Variants in CACNA1S observed in about 807,000 individuals in gnomAD.
CACNA1S encodes calcium voltage-gated channel subunit alpha1 S.
A neutral mutation model predicts 207.4 loss-of-function variants in CACNA1S; 126 were observed. That is an observed-to-expected ratio of 0.61 (90% confidence interval 0.53 to 0.70). The LOEUF (loss-of-function observed/expected upper bound fraction) is 0.70. Among genes scored for constraint, CACNA1S ranks in the 30% least tolerant of loss-of-function variants. The pLI is 0.00. For synonymous variants in CACNA1S, 960 were observed against 932.7 expected, an observed-to-expected ratio of 1.03 and a Z score of -0.53; for missense variants, 2,349 against 2,422.8, an observed-to-expected ratio of 0.97 and a Z score of 0.64.
chr1:201,047,199 G>A lies in CACNA1S; in HGVS notation c.4584C>T (p.Leu1528=), dbSNP rs1660500097. ...TGAACTTCCGGAAGTGCTCCTGGAT[G>A]AGGAATGTGGCGTAGAACTTCCCCA... ...VTVGKFYATF[L]IQEHFRKFMK... Residue 1528 remains leucine (L), a synonymous_variant, in exon 38 of 44, where the codon CTC becomes CTT. Transcript: ENST00000362061. 6.2e-7 allele frequency: 1 copy of A among 1,614,180 alleles called. No individual in the cohort carries two copies. Among genetic ancestry groups the A allele is most frequent in the Non-Finnish European group, 8.5e-7 (1 of 1,180,008 alleles).
chr1:201,101,132 A>T lies in CACNA1S; in HGVS notation c.259-7111T>A, dbSNP rs1346201470. Among the ~76,000 whole-genome samples, 7 of 152,316 alleles carry T rather than the reference A, an allele frequency of 4.6e-5. No homozygotes were observed. The East Asian group carries it at 1.3e-3, about 29-fold the overall frequency. On this transcript the variant is annotated intron_variant, in intron 2 of 43. Coordinates refer to ENST00000362061, the MANE Select transcript of CACNA1S (RefSeq NM_000069.3). ...AGTGTAAGATGGAAATTTCTCCACA[A>T]AGCCAGATAAGTTTTCCTCTCTAGT...
chr1:201,056,080 C>CACACACACACACACAT (rs1553249514), intron 28 of CACNA1S, among the ~76,000 whole-genome samples: 45 of 141,754 alleles, frequency 3.2e-4, no homozygotes, highest in Admixed American at 1.1e-3. Flanking sequence ...GACACACACA[C>CACACACACACACACAT]ACACACACAC....
At chr1:201,076,839 G>T in intron 12 of CACNA1S, 81 bp downstream of exon 12, 1 of 1,306,858 alleles carries the variant, frequency 7.7e-7, no homozygotes, top group Non-Finnish European at 1.1e-6. Context: ...TGGAGAAGGT[G>T]ATGCCCACCT....
chr1:201,111,511 A>G (rs1014426719), intron 1 of CACNA1S, among the ~76,000 whole-genome samples: 1 of 152,078 alleles, frequency 6.6e-6, no homozygotes, highest in Non-Finnish European at 1.5e-5. Flanking sequence ...CGTCTGAGCT[A>G]GAACAACCAG....
chr1:201,069,425 T>C, intron 18 of CACNA1S, 47 bp downstream of exon 18: 1 of 1,603,510 alleles, frequency 6.2e-7, no homozygotes, highest in Non-Finnish European at 8.5e-7. Flanking sequence ...AGACTGAGGC[T>C]GGAGGGGGCA....
chr1:201,044,193 A>G, intron 39 of CACNA1S, 135 bp downstream of exon 39: 1 of 1,025,156 alleles, frequency 9.8e-7, no homozygotes, highest in Non-Finnish European at 1.5e-6. Flanking sequence ...TGGGTGGTGA[A>G]GTGGAGAGAC....
chr1:201,067,811 G>A (rs1234295929), intron 19 of CACNA1S, among the ~76,000 whole-genome samples: 3 of 152,182 alleles, frequency 2.0e-5, no homozygotes, highest in Non-Finnish European at 4.4e-5. Flanking sequence ...TGACCTCGAG[G>A]AAGCCACCAT....
In CACNA1S at chr1:201,040,222, C is replaced by T; in HGVS notation, c.5370+9G>A. ...TGCAGCCACTGCTGTGACCCAGCCC[C>T]TGGCTCACCTTTTGGATCAGCAGGG... On this transcript the variant is annotated intron_variant, in intron 43 of 43. Transcript: ENST00000362061. The T allele has an allele frequency of 6.2e-7, 1 of 1,613,248 alleles. No individual in the cohort carries two copies. The highest frequency in any genetic ancestry group is 8.5e-7 in the Non-Finnish European group (1 of 1,180,040).
Position 201,053,649 on chromosome 1 carries a change from G to A in CACNA1S, c.3667-62C>T. The A allele has an allele frequency of 6.7e-7, 1 of 1,502,286 alleles. No individual in the cohort carries two copies. Among genetic ancestry groups the A allele is most frequent in the Non-Finnish European group, 9.3e-7 (1 of 1,080,736 alleles). 93.1% of individuals were successfully genotyped at this position (1,502,286 alleles called of 1,614,324 possible). A position where few individuals can be genotyped will look rare whatever the true frequency, so the allele number is the denominator to read the frequency against. ...AGAACCTCAGAGGGGTAAGGGGCAG[G>A]GCGGGGAGGGAGGTGCACTGTGTGT... is the stretch of plus-strand genomic sequence containing the variant. On this transcript the variant is annotated intron_variant, in intron 29 of 43. Transcript: ENST00000362061. This position sits in a 1 kb window ranked among gnomAD's most constrained non-coding sequence, Gnocchi z 5.1.
chr1:201,092,063 G>A lies in CACNA1S; in HGVS notation c.450C>T (p.Ala150=). ...AGCCGGCTCCTTTGCTGCTCATTGG[G>A]GCTGTGTGGCTTTGGATGACGTTAA... The part of the protein sequence containing the change: ...EQVNVIQSHT[A]PMSSKGAGLD... Residue 150 remains alanine (A), a synonymous_variant, in exon 4 of 44, where the codon GCC becomes GCT. Coordinates refer to ENST00000362061, the MANE Select transcript of CACNA1S (RefSeq NM_000069.3). The A allele has an allele frequency of 6.2e-7, 1 of 1,614,102 alleles. No homozygotes were observed.
chr1:201,060,615 G>T, intron 26 of CACNA1S, 43 bp downstream of exon 26: 1 of 1,592,332 alleles, frequency 6.3e-7, no homozygotes, highest in Non-Finnish European at 8.6e-7. Flanking sequence ...CCAAGGCCCA[G>T]GTCCCAGTCT....
At chr1:201,109,380 C>T (rs1056619447) in intron 2 of CACNA1S, among the ~76,000 whole-genome samples, 1 of 152,088 alleles carries the variant, frequency 6.6e-6, no homozygotes, top group Non-Finnish European at 1.5e-5. Context: ...TTAAATGGGT[C>T]TAATAATGTT....
At chr1:201,109,342 C>T (rs1663017994) in intron 2 of CACNA1S, among the ~76,000 whole-genome samples, 1 of 152,012 alleles carries the variant, frequency 6.6e-6, no homozygotes, top group Non-Finnish European at 1.5e-5. Flanking sequence ...TGTGCCTAAA[C>T]TCTCTGAATA....
rs140662085 is a variant in CACNA1S, at chr1:201,077,951, G to T, written c.1547C>A (p.Ser516Ter). The change falls in exon 11 of 44, where the codon TCG (serine) becomes TAG (stop). Residue 516 changes from serine (S) to a stop codon, truncating the protein, a stop_gained. Coordinates refer to ENST00000362061, the MANE Select transcript of CACNA1S (RefSeq NM_000069.3). LOFTEE classifies it high-confidence loss of function. ...SGILEILLVESGAMTPLGISV... is the reference protein window; with the variant it reads ...SGILEILLVE ...GATGCCCAGGGGTGTCATGGCACCC[G>T]ACTCCACCAGCAGGATCTCCAGGAT... 6.2e-7 allele frequency: 1 copy of T among 1,614,136 alleles called. No individual in the cohort carries two copies. The highest frequency in any genetic ancestry group is 8.5e-7 in the Non-Finnish European group (1 of 1,179,978).
intron 13 of CACNA1S, 141 bp downstream of exon 13, chr1:201,075,354 C>A (rs1572047835): frequency 1.1e-6 from 1 of 890,870 alleles, no homozygotes; most frequent in East Asian, 2.4e-5. Context: ...ATGTCCTACC[C>A]CCTACCGCAT....
At chr1:201,105,582 A>G (rs1416501141) in intron 2 of CACNA1S, among the ~76,000 whole-genome samples, 2 of 152,138 alleles carry the variant, frequency 1.3e-5, no homozygotes, top group Admixed American at 6.5e-5. Context: ...GACATCCCAC[A>G]GTTGGCCAGG....
chr1:201,063,145 T>C (rs74598913), intron 22 of CACNA1S, among the ~76,000 whole-genome samples: 1,578 of 149,508 alleles, frequency 0.011, 26 homozygotes, highest in African/African-American at 0.029. Flanking sequence ...TTTTTTTTTT[T>C]CAAGGCTTTG....
At chr1:201,065,801 G>T in intron 22 of CACNA1S, 37 bp downstream of exon 22, 2 of 1,445,110 alleles carry the variant, frequency 1.4e-6, no homozygotes, top group Non-Finnish European at 9.7e-7. Context: ...AGGGCTGGGA[G>T]CGGGAGGGGG....
chr1:201,050,994 C>G lies in CACNA1S; in HGVS notation c.4103G>C (p.Cys1368Ser), dbSNP rs780152205. ...CCCTCAGCATCTCACCAGGAAGGCA[C>G]AGAGCATGTAGAAGCTGATGAAGTA... The part of the protein sequence containing the change: ...YYYFISFYML[C>S]AFLVINLFVA... Residue 1368 changes from cysteine to serine, a missense_variant, in exon 33 of 44, where the codon TGT becomes TCT. Coordinates refer to ENST00000362061, the MANE Select transcript of CACNA1S (RefSeq NM_000069.3). The G allele has an allele frequency of 6.2e-7, 1 of 1,614,186 alleles. No homozygotes were observed. Among genetic ancestry groups the G allele is most frequent in the South Asian group, 1.1e-5 (1 of 91,078 alleles).
Sources: gnomAD v4.1 joint callset for allele counts (sites outside exome capture counted in the v4.1 genomes callset) on GRCh38, gnomAD v4.1.1 for gene constraint, Gnocchi (gnomAD v3.1) non-coding constraint, MANE v1.5 for transcripts, NCBI Gene and HGNC (gene_info 2026-07-23, HGNC 2026-07-21) for gene names.